The following PROM1 variants were observed in gnomAD, a reference collection of about 807,000 sequenced individuals.
PROM1 encodes the protein prominin 1.
A neutral mutation model predicts 116.9 loss-of-function variants in PROM1; 105 were observed. That is an observed-to-expected ratio of 0.90 (90% confidence interval 0.77 to 1.06). PROM1 has a LOEUF of 1.06. Among genes scored for constraint, PROM1 ranks in the 50% least tolerant of loss-of-function variants. The pLI, the probability that PROM1 is intolerant of heterozygous loss-of-function variation, is 0.00. For missense variants in PROM1, 1,122 were observed against 1,045.2 expected (o/e 1.07, Z -1.01); for synonymous variants, 393 against 387.0 (o/e 1.02, Z -0.18).
intron 1 of PROM1, among the ~76,000 whole-genome samples, chr4:16,081,890 GA>G (rs1395041962): frequency 3.5e-5 from 5 of 143,590 alleles, no homozygotes; most frequent in Non-Finnish European, 3.0e-5. Context: ...AGGAAGTTTA[GA>G]AAAAAATTAT....
Position 16,009,015 on chromosome 4 carries a change from T to C in PROM1, c.1235A>G (p.Tyr412Cys). The C allele has an allele frequency of 1.3e-6, 2 of 1,595,894 alleles. No individual in the cohort carries two copies. The highest frequency in any genetic ancestry group is 2.7e-5 in the African/African-American group (2 of 74,590). Residue 412 changes from tyrosine to cysteine, a missense_variant, in exon 12 of 28, where the codon TAT becomes TGT. Physicochemically the swap from Tyr to Cys is radical, Grantham distance 194 (BLOSUM62 -2). Transcript: ENST00000447510. ...GATGTAACTTTCAGTGTTATTAACA[T>C]AAACAGAGAATGCTGAGAGTATATC... The part of the protein sequence containing the change: ...IQDILSAFSV[Y>C]VNNTESYIHR...
At chr4:16,004,040 T>A (rs762497364) in intron 13 of PROM1, among the ~76,000 whole-genome samples, 6 of 152,148 alleles carry the variant, frequency 3.9e-5, no homozygotes, top group African/African-American at 7.2e-5. Flanking sequence ...TAAACAGTTT[T>A]AAAAAAAGAA....
intron 19 of PROM1, 49 bp downstream of exon 19, chr4:15,989,683 T>C (rs373247019): frequency 3.7e-4 from 537 of 1,432,660 alleles, no homozygotes; most frequent in Non-Finnish European, 4.9e-4. Context: ...CTAGCTGCAG[T>C]AGATTTTGCT....
intron 13 of PROM1, among the ~76,000 whole-genome samples, chr4:16,004,959 CTCTCT>C (rs1297180355): frequency 1.6e-4 from 14 of 86,578 alleles, no homozygotes; most frequent in African/African-American, 4.5e-4. Flanking sequence ...ATTTCTCGCT[CTCTCT>C]TTTTTTTTTT....
chr4:16,006,941 T>C (rs947508423), intron 12 of PROM1, among the ~76,000 whole-genome samples: 1 of 152,222 alleles, frequency 6.6e-6, no homozygotes, highest in Non-Finnish European at 1.5e-5. Flanking sequence ...ATGGGATCAT[T>C]GCCTCCTTCC....
chr4:16,022,014 C>T (rs1047257704), intron 8 of PROM1, among the ~76,000 whole-genome samples: 1 of 151,582 alleles, frequency 6.6e-6, no homozygotes, highest in Non-Finnish European at 1.5e-5. Flanking sequence ...AGATGAGTGT[C>T]CCAGACAGGA....
intron 26 of PROM1, among the ~76,000 whole-genome samples, chr4:15,979,062 A>G (rs573884090): frequency 6.6e-4 from 101 of 152,272 alleles, no homozygotes; most frequent in Admixed American, 1.7e-3. Context: ...AAAAGCTTTG[A>G]AAACTGTAAC....
At chr4:15,979,022 GGAAGGAAGGAAAGAAA>G (rs1716999052) in intron 26 of PROM1, among the ~76,000 whole-genome samples, 1 of 150,262 alleles carries the variant, frequency 6.7e-6, no homozygotes. Context: ...AAGGAAGGAA[GGAAGGAAGGAAAGAAA>G]GAAGGAAGGA....
At chr4:15,985,116 A>G (rs546004338) in intron 22 of PROM1, among the ~76,000 whole-genome samples, 124 of 152,314 alleles carry the variant, frequency 8.1e-4, no homozygotes, top group African/African-American at 2.8e-3. Flanking sequence ...TTGTACCTTT[A>G]CTGAACATGT....
intron 14 of PROM1, among the ~76,000 whole-genome samples, chr4:15,999,681 A>T (rs1352563086): frequency 5.3e-5 from 8 of 152,142 alleles, no homozygotes; most frequent in African/African-American, 9.7e-5. Flanking sequence ...CCAAATGGAG[A>T]TCATTTGACC....
intron 23 of PROM1, among the ~76,000 whole-genome samples, chr4:15,982,684 G>A (rs1485874514): frequency 6.6e-6 from 1 of 152,114 alleles, no homozygotes; most frequent in East Asian, 1.9e-4. Flanking sequence ...GGTGGGTGGT[G>A]GAGGCTGGAC....
At chr4:16,045,004 T>C (rs935990207) in intron 2 of PROM1, among the ~76,000 whole-genome samples, 2 of 152,154 alleles carry the variant, frequency 1.3e-5, no homozygotes, top group African/African-American at 4.8e-5. Flanking sequence ...TGGTATATAA[T>C]ATACGGAGCA....
At chr4:16,071,327 C>T (rs1742752078) in intron 2 of PROM1, among the ~76,000 whole-genome samples, 1 of 152,206 alleles carries the variant, frequency 6.6e-6, no homozygotes, top group African/African-American at 2.4e-5. Context: ...TCCTCACCTT[C>T]CTTCTCTCTC....
chr4:16,010,261 G>A (rs1172480797), intron 11 of PROM1, among the ~76,000 whole-genome samples: 3 of 152,132 alleles, frequency 2.0e-5, no homozygotes, highest in Non-Finnish European at 4.4e-5. Context: ...GATTTCACCT[G>A]AACCAACGCT....
At chr4:16,004,009 T>C in intron 13 of PROM1, among the ~76,000 whole-genome samples, 1 of 152,210 alleles carries the variant, frequency 6.6e-6, no homozygotes, top group African/African-American at 2.4e-5. Flanking sequence ...ACACATACTC[T>C]TTCTGGTTTC....
chr4:16,010,109 T>C (rs1048525855), intron 11 of PROM1, among the ~76,000 whole-genome samples: 37 of 152,200 alleles, frequency 2.4e-4, no homozygotes, highest in African/African-American at 7.5e-4. Context: ...GTCTTTTCTA[T>C]GCAAAAACCA....
chr4:16,041,764 A>G (rs1413158253), intron 2 of PROM1, among the ~76,000 whole-genome samples: 1 of 34,578 alleles, frequency 2.9e-5, no homozygotes, highest in African/African-American at 9.2e-5. Flanking sequence ...ATAAATAAAT[A>G]AATAAATAAA....
chr4:15,978,696 A>G (rs536991959), intron 26 of PROM1, among the ~76,000 whole-genome samples: 6 of 152,230 alleles, frequency 3.9e-5, no homozygotes, highest in Non-Finnish European at 8.8e-5. Flanking sequence ...TGGGCGTGGG[A>G]AGGATCACGC....
intron 5 of PROM1, among the ~76,000 whole-genome samples, chr4:16,028,957 C>T (rs549296428): frequency 6.6e-6 from 1 of 152,272 alleles, no homozygotes; most frequent in Non-Finnish European, 1.5e-5. Flanking sequence ...TAAGGCTAAA[C>T]CTTACTTTTA....
Sources: gnomAD v4.1 joint callset for allele counts (sites outside exome capture counted in the v4.1 genomes callset) on GRCh38, gnomAD v4.1.1 for gene constraint, MANE v1.5 for transcripts, NCBI Gene and HGNC (gene_info 2026-07-23, HGNC 2026-07-21) for gene names.